Variants in TRIP10 observed in about 807,000 individuals in gnomAD.
TRIP10 encodes the protein cdc42-interacting protein 4.
In TRIP10, 54 loss-of-function variants were observed where a neutral mutation model predicts 80.9. That is an observed-to-expected ratio of 0.67 (90% CI 0.54 to 0.84). The LOEUF (loss-of-function observed/expected upper bound fraction) is 0.84, where lower values mean the gene tolerates loss of function less well. Ranked by LOEUF, TRIP10 falls within the 40% of genes least tolerant of loss-of-function variation. The pLI, the probability that TRIP10 is intolerant of heterozygous loss-of-function variation, is 0.00. For missense variants in TRIP10, 773 were observed against 815.3 expected (o/e 0.95, Z 0.63); for synonymous variants, 321 against 307.2 (o/e 1.04, Z -0.47).
chr19:6,744,515 G>A lies in TRIP10; in HGVS notation c.643-39G>A. 1 of 1,612,618 alleles carries A rather than the reference G, an allele frequency of 6.2e-7. No individual in the cohort carries two copies. The highest frequency in any genetic ancestry group is 8.5e-7 in the Non-Finnish European group (1 of 1,179,922). On this transcript the variant is annotated intron_variant, in intron 7 of 14. Transcript: ENST00000313244. This position sits in a 1 kb window ranked among gnomAD's most constrained non-coding sequence, Gnocchi z 4.9. ...GAATCACTGTGCTTCTAGTCCCTCT[G>A]TTAGCACCCCTGAGCCACCCTTGTC...
chr19:6,739,738 T>C lies in TRIP10; in HGVS notation c.-24T>C. ...GGCGGGGACCGGGTGCGGTGGTGGC[T>C]GCGGCGGCGGCGGCGGGAGCAGCAT... On this transcript the variant is annotated 5_prime_UTR_variant, in exon 1 of 15. Coordinates refer to ENST00000313244, the MANE Select transcript of TRIP10 (RefSeq NM_001288962.2). 7.4e-7 allele frequency: 1 copy of C among 1,348,768 alleles called. No homozygotes were observed. The highest frequency in any genetic ancestry group is 2.0e-5 in the South Asian group (1 of 50,632). 83.6% of individuals were successfully genotyped at this position (1,348,768 alleles called of 1,614,324 possible).
In TRIP10 at chr19:6,746,464, G is replaced by C. The variant is rs142688804; in HGVS notation, c.1165G>C (p.Glu389Gln). Residue 389 changes from glutamate to glutamine, a missense_variant, in exon 11 of 15, where the codon GAG (glutamate) becomes CAG (glutamine). By Grantham distance (29) the Glu-to-Gln change is conservative (BLOSUM62 2). Transcript: ENST00000313244. The surrounding 1 kb of genome is among the most constrained non-coding windows in gnomAD (Gnocchi z 6.2). ...LRGSRGTVVT[E>Q]DFSHLPPEQQ... ...ACCCACCTTGCAGACAGTGGTGACC[G>C]AGGATTTTAGCCACTTGCCCCCAGA... 4 of 1,614,010 alleles carry C rather than the reference G, an allele frequency of 2.5e-6. No homozygotes were observed. The highest frequency in any genetic ancestry group is 3.4e-6 in the Non-Finnish European group (4 of 1,180,026).
At position 6,746,010 on chromosome 19, in the gene TRIP10, C is replaced by T; in HGVS notation, c.985-19C>T. The T allele has an allele frequency of 1.1e-6, 1 of 876,904 alleles. No individual in the cohort carries two copies. Among genetic ancestry groups the T allele is most frequent in the Non-Finnish European group, 1.5e-6 (1 of 679,756 alleles). The allele number at this position is 876,904 out of a possible 1,614,324, so 54.3% of individuals were successfully genotyped here. A position where few individuals can be genotyped will look rare whatever the true frequency, so the allele number is the denominator to read the frequency against. On this transcript the variant is annotated intron_variant, in intron 9 of 14. Coordinates refer to ENST00000313244, the MANE Select transcript of TRIP10 (RefSeq NM_001288962.2). This position sits in a 1 kb window ranked among gnomAD's most constrained non-coding sequence, Gnocchi z 6.2. ...CCCCACCCCTTCAACCTATCCCCCT[C>T]CCCGGCCCCCGCCGGTAGCCTCGCC...
At chr19:6,743,332 G>A in intron 5 of TRIP10, 76 bp downstream of exon 5, 4 of 1,583,184 alleles carry the variant, frequency 2.5e-6, no homozygotes, top group East Asian at 4.6e-5. Context: ...TCAGGGAGCT[G>A]CCCTCTTTGT....
At chr19:6,740,187 C>T (rs1360758941) in intron 1 of TRIP10, among the ~76,000 whole-genome samples, 1 of 152,194 alleles carries the variant, frequency 6.6e-6, no homozygotes, top group Non-Finnish European at 1.5e-5. Flanking sequence ...ACCCTCATCC[C>T]CACCCACGTG....
chr19:6,739,738 TGCG>T lies in TRIP10; in HGVS notation c.-10_-8del, dbSNP rs753346859. On this transcript the variant is annotated 5_prime_UTR_variant, in exon 1 of 15. Transcript: ENST00000313244. ...GGCGGGGACCGGGTGCGGTGGTGGC[TGCG>T]GCGGCGGCGGCGGGAGCAGCATGGA... The T allele has an allele frequency of 3.2e-3, 4,133 of 1,291,948 alleles. 6 individuals are homozygous for T. The highest frequency in any genetic ancestry group is 0.015 in the South Asian group (712 of 47,994). 80.0% of individuals were successfully genotyped at this position (1,291,948 alleles called of 1,614,324 possible).
Position 6,746,319 on chromosome 19 carries a change from C to A in TRIP10, c.1152+123C>A. On this transcript the variant is annotated intron_variant, in intron 10 of 14. Transcript: ENST00000313244. This position sits in a 1 kb window ranked among gnomAD's most constrained non-coding sequence, Gnocchi z 6.2. ...CTCTTCCCTGGTTGCCCAACCCAGA[C>A]CTGCTTTGCTCTGTGCATGGCTTCG... 5 of 1,508,506 alleles carry A rather than the reference C, an allele frequency of 3.3e-6. No individual in the cohort carries two copies. Among genetic ancestry groups the A allele is most frequent in the Non-Finnish European group, 4.5e-6 (5 of 1,119,618 alleles). The allele number at this position is 1,508,506 out of a possible 1,614,324, so 93.4% of individuals were successfully genotyped here.
Position 6,746,533 on chromosome 19 carries a change from C to A in TRIP10, c.1234C>A (p.Arg412Ser). The A allele has an allele frequency of 6.2e-7, 1 of 1,614,016 alleles. No homozygotes were observed. The highest frequency in any genetic ancestry group is 8.5e-7 in the Non-Finnish European group (1 of 1,180,012). Residue 412 changes from arginine (R) to serine (S), a missense_variant, in exon 11 of 15, where the codon CGT becomes AGT. Coordinates refer to ENST00000313244, the MANE Select transcript of TRIP10 (RefSeq NM_001288962.2). The surrounding 1 kb of genome is among the most constrained non-coding windows in gnomAD (Gnocchi z 6.2). The part of the protein sequence containing the change: ...RLQQQLEERS[R>S]ELQKEVDQRE... Reference sequence around the variant, plus strand: ...TCAACAGCAGTTGGAAGAACGCAGTCGTGAACTTCAGAAGGAGGTTGACCA... The same window carrying A: ...TCAACAGCAGTTGGAAGAACGCAGTAGTGAACTTCAGAAGGAGGTTGACCA...
Position 6,743,039 on chromosome 19 carries a change from G to A in TRIP10, c.270G>A (p.Val90=). The A allele has an allele frequency of 6.2e-7, 1 of 1,614,186 alleles. No individual in the cohort carries two copies. The highest frequency in any genetic ancestry group is 1.1e-5 in the South Asian group (1 of 91,082). ...VNDFAGQREL[V]AENLSVRVCL... ...ACTTTGCAGGCCAGCGGGAGCTGGT[G>A]GCTGAGAACCTCAGTGTCCGTGTAT... The change falls in exon 4 of 15, where the codon GTG becomes GTA. Residue 90 remains valine (V), a synonymous_variant. Transcript: ENST00000313244.
intron 11 of TRIP10, 107 bp from the exon 12 acceptor site, chr19:6,749,827 G>C: frequency 6.8e-7 from 1 of 1,476,120 alleles, no homozygotes; most frequent in Middle Eastern, 2.2e-4. Flanking sequence ...CACCAGCCTG[G>C]GGAAAGAGTC....
Position 6,745,095 on chromosome 19 carries a change from C to G in TRIP10, c.984+101C>G, listed in dbSNP as rs528326436. 13 of 1,402,474 alleles carry G rather than the reference C, an allele frequency of 9.3e-6. No homozygotes were observed. The highest frequency in any genetic ancestry group is 1.2e-5 in the Non-Finnish European group (13 of 1,063,846). 86.9% of individuals were successfully genotyped at this position (1,402,474 alleles called of 1,614,324 possible). A position where few individuals can be genotyped will look rare whatever the true frequency, so the allele number is the denominator to read the frequency against. On this transcript the variant is annotated intron_variant, in intron 9 of 14. Transcript: ENST00000313244. This position sits in a 1 kb window ranked among gnomAD's most constrained non-coding sequence, Gnocchi z 7.2. The stretch of plus-strand genomic sequence containing the variant: ...CCCCAGCCGCCTGAACGCCGAGTCT[C>G]GGGCAGGAATTTTCCTCTTGGCTGC...
Position 6,745,306 on chromosome 19 carries a change from T to G in TRIP10, c.984+312T>G. 2.6e-6 allele frequency: 1 copy of G among 377,704 alleles called. No individual in the cohort carries two copies. Among genetic ancestry groups the G allele is most frequent in the South Asian group, 4.3e-5 (1 of 23,072 alleles). 23.4% of individuals were successfully genotyped at this position (377,704 alleles called of 1,614,324 possible). A position where few individuals can be genotyped will look rare whatever the true frequency, so the allele number is the denominator to read the frequency against. On this transcript the variant is annotated intron_variant, in intron 9 of 14. Coordinates refer to ENST00000313244, the MANE Select transcript of TRIP10 (RefSeq NM_001288962.2). The surrounding 1 kb of genome is among the most constrained non-coding windows in gnomAD (Gnocchi z 7.2). ...GGCTGGTGACACCATCCCTGGGGACTCCCCGAGTTTCTCTCTCCATCCTGC... is the reference window on the plus strand; with the variant it reads ...GGCTGGTGACACCATCCCTGGGGACGCCCCGAGTTTCTCTCTCCATCCTGC...
chr19:6,750,249 C>T (rs746555588), intron 12 of TRIP10, 43 bp from the exon 13 acceptor site: 47 of 1,608,842 alleles, frequency 2.9e-5, no homozygotes, highest in South Asian at 7.7e-5. Flanking sequence ...GGGCTGACCC[C>T]GGAGCTCTGC....
chr19:6,739,799 G>A lies in TRIP10; in HGVS notation c.24+14G>A, dbSNP rs754253050. On this transcript the variant is annotated intron_variant, in intron 1 of 14. Coordinates refer to ENST00000313244, the MANE Select transcript of TRIP10 (RefSeq NM_001288962.2). ...ACTGAGCTGTGGGTAAGTCCAATCG[G>A]CCCGCCTCTAAGTTCCCCTTTGCTG... 1.9e-5 allele frequency: 28 copies of A among 1,459,198 alleles called. No individual in the cohort carries two copies. The Admixed American group carries it at 6.6e-4, about 34-fold the overall frequency. The allele number at this position is 1,459,198 out of a possible 1,614,324, so 90.4% of individuals were successfully genotyped here.
At chr19:6,750,706 C>T in intron 14 of TRIP10, 73 bp downstream of exon 14, 3 of 1,586,640 alleles carry the variant, frequency 1.9e-6, no homozygotes, top group Non-Finnish European at 2.6e-6. Context: ...TTAAATTCGC[C>T]TAAAGCAGGG....
At position 6,750,278 on chromosome 19, in the gene TRIP10, T is replaced by TC. The variant is rs775042247; in HGVS notation, c.1396-10dup. 967 of 1,613,450 alleles carry TC rather than the reference T, an allele frequency of 6.0e-4. 4 individuals carry two copies. The African/African-American group carries it at 0.012, about 19-fold the overall frequency. On this transcript the variant is annotated splice_polypyrimidine_tract_variant and intron_variant, in intron 12 of 14. Coordinates refer to ENST00000313244, the MANE Select transcript of TRIP10 (RefSeq NM_001288962.2). ...GCTCTGCCCTGGAACGATTTTCCTG[T>TC]CCCCTCCTCCCAGGCGTGGCTGGCA... is the stretch of plus-strand genomic sequence containing the variant.
At chr19:6,747,603 A>AC (rs1969174699) in intron 11 of TRIP10, among the ~76,000 whole-genome samples, 1 of 151,734 alleles carries the variant, frequency 6.6e-6, no homozygotes, top group African/African-American at 2.4e-5. Flanking sequence ...GACCAGCCTG[A>AC]CCAACATGGT....
At position 6,745,692 on chromosome 19, in the gene TRIP10, C is replaced by CCCAT; in HGVS notation, c.985-336_985-333dup. 1 of 985,256 alleles carries CCCAT rather than the reference C, an allele frequency of 1.0e-6. No homozygotes were observed. The allele number at this position is 985,256 out of a possible 1,614,324, so 61.0% of individuals were successfully genotyped here. A position where few individuals can be genotyped will look rare whatever the true frequency, so the allele number is the denominator to read the frequency against. On this transcript the variant is annotated intron_variant, in intron 9 of 14. Coordinates refer to ENST00000313244, the MANE Select transcript of TRIP10 (RefSeq NM_001288962.2). This position sits in a 1 kb window ranked among gnomAD's most constrained non-coding sequence, Gnocchi z 7.2. ...GACATGGGCCTCCCTGCCTCCTGGA[C>CCCAT]CCATGCTTGCTCCCGGACATAACAT...
At position 6,742,294 on chromosome 19, in the gene TRIP10, G is replaced by A. The variant is rs149312528; in HGVS notation, c.198-673G>A. The stretch of plus-strand genomic sequence containing the variant: ...AATCCCAGCTACTCAGGAGGCTGAG[G>A]CATGAGAATCGCTTGAACCCGGGAG... On this transcript the variant is annotated intron_variant, in intron 3 of 14. Coordinates refer to ENST00000313244, the MANE Select transcript of TRIP10 (RefSeq NM_001288962.2). Among the ~76,000 whole-genome samples, 455 of 151,832 alleles carry A rather than the reference G, an allele frequency of 3.0e-3. 3 individuals are homozygous for A. Among genetic ancestry groups the A allele is most frequent in the African/African-American group, 0.01 (428 of 41,416 alleles).
Sources: gnomAD v4.1 joint callset for allele counts (sites outside exome capture counted in the v4.1 genomes callset) on GRCh38, gnomAD v4.1.1 for gene constraint, Gnocchi (gnomAD v3.1) non-coding constraint, MANE v1.5 for transcripts, NCBI Gene and HGNC (gene_info 2026-07-23, HGNC 2026-07-21) for gene names.